Variants in DNAJB5 observed in about 807,000 individuals in gnomAD.
DNAJB5 encodes dnaJ homolog subfamily B member 5.
DNAJB5 carries 12 observed loss-of-function variants against 32.6 expected under a neutral mutation model. The ratio of observed to expected loss-of-function variants is 0.37; its 90% CI spans 0.24 to 0.60. The LOEUF is 0.60. Among genes scored for constraint, DNAJB5 ranks in the 20% least tolerant of loss-of-function variants. The pLI is 0.71. For synonymous variants in DNAJB5, 188 were observed against 212.9 expected, an observed-to-expected ratio of 0.88 and a Z score of 1.02; for missense variants, 358 against 554.2, an observed-to-expected ratio of 0.65 and a Z score of 3.55.
At position 34,990,498 on chromosome 9, in the gene DNAJB5, G is replaced by T; in HGVS notation, c.-132-1G>T. 6.5e-7 allele frequency: 1 copy of T among 1,538,436 alleles called. No individual in the cohort carries two copies. Among genetic ancestry groups the T allele is most frequent in the Non-Finnish European group, 8.7e-7 (1 of 1,146,568 alleles). On this transcript the variant is annotated splice_acceptor_variant, in intron 1 of 4. Transcript: ENST00000682809. LOFTEE classifies it low-confidence loss of function (5UTR_SPLICE). This position sits in a 1 kb window ranked among gnomAD's most constrained non-coding sequence, Gnocchi z 4.5. ...CTTCACTCTCCACATTTGGGGATCA[G>T]GTCCGGCACCTGCTGCGCCAGACAG...
Position 34,990,588 on chromosome 9 carries a change from C to G in DNAJB5, c.-43C>G, listed in dbSNP as rs941650913. ...GCTTCCAGAGCTGCAGCACTTCAGG[C>G]CGGCTCCGGTGGAGCGATCAGAGGT... On this transcript the variant is annotated 5_prime_UTR_variant, in exon 2 of 5. Transcript: ENST00000682809. The surrounding 1 kb of genome is among the most constrained non-coding windows in gnomAD (Gnocchi z 4.5). 1.9e-6 allele frequency: 3 copies of G among 1,551,302 alleles called. No homozygotes were observed. Among genetic ancestry groups the G allele is most frequent in the Non-Finnish European group, 2.6e-6 (3 of 1,146,946 alleles).
chr9:34,996,058 G>A lies in DNAJB5; in HGVS notation c.428-207G>A, dbSNP rs1426194159. 1.3e-5 allele frequency among the ~76,000 whole-genome samples: 2 copies of A among 152,198 alleles called. No homozygotes were observed. The highest frequency in any genetic ancestry group is 4.8e-5 in the African/African-American group (2 of 41,448). On this transcript the variant is annotated intron_variant, in intron 3 of 4. Transcript: ENST00000682809. The surrounding 1 kb of genome is among the most constrained non-coding windows in gnomAD (Gnocchi z 7.2). The stretch of plus-strand genomic sequence containing the variant: ...GTAAGCAAGCCTCTTTGAATCTCAA[G>A]TTGTGCATCGTTATTAAATATATAA...
Position 34,993,449 on chromosome 9 carries a change from G to C in DNAJB5, c.427+5G>C. On this transcript the variant is annotated splice_donor_5th_base_variant and intron_variant, in intron 3 of 4. Coordinates refer to ENST00000682809, the MANE Select transcript of DNAJB5 (RefSeq NM_001349723.3). This position sits in a 1 kb window ranked among gnomAD's most constrained non-coding sequence, Gnocchi z 4.7. Reference sequence around the variant, plus strand: ...ATGACCAGTATGGGGAGGAAGGTAAGAGGGCAGCACTCCAGCCCAATCCCG... The same window carrying C: ...ATGACCAGTATGGGGAGGAAGGTAACAGGGCAGCACTCCAGCCCAATCCCG... The C allele has an allele frequency of 6.2e-7, 1 of 1,609,984 alleles. No homozygotes were observed. Among genetic ancestry groups the C allele is most frequent in the Non-Finnish European group, 8.5e-7 (1 of 1,178,940 alleles).
In DNAJB5 at chr9:34,993,437, G is replaced by A. The variant is rs1490675972; in HGVS notation, c.420G>A (p.Gly140=). The A allele has an allele frequency of 5.6e-6, 9 of 1,611,402 alleles. No homozygotes were observed. The highest frequency in any genetic ancestry group is 3.3e-5 in the South Asian group (3 of 90,782). The stretch of plus-strand genomic sequence containing the variant: ...AACGGGGCCTGTATGACCAGTATGG[G>A]GAGGAAGGTAAGAGGGCAGCACTCC... ...PKKRGLYDQY[G]EEGLKTGGGT... Residue 140 remains glycine (G), a synonymous_variant, in exon 3 of 5, where the codon GGG becomes GGA. Coordinates refer to ENST00000682809, the MANE Select transcript of DNAJB5 (RefSeq NM_001349723.3). The surrounding 1 kb of genome is among the most constrained non-coding windows in gnomAD (Gnocchi z 4.7).
At position 34,996,484 on chromosome 9, in the gene DNAJB5, T is replaced by G; in HGVS notation, c.647T>G (p.Phe216Cys). The change falls in exon 4 of 5, where the codon TTT (phenylalanine) becomes TGT (cysteine). Residue 216 changes from phenylalanine (F) to cysteine (C), a missense_variant. Physicochemically the swap from Phe to Cys is radical, Grantham distance 205. Around this residue, in one of 2 missense-constraint regions of DNAJB5, gnomAD observed 248 missense variants for 442.6 expected, o/e 0.56. Transcript: ENST00000682809. The surrounding 1 kb of genome is among the most constrained non-coding windows in gnomAD (Gnocchi z 7.2). ...DEDPFGAFGR[F>C]GFNGLSRGPR... ...GACCCATTTGGCGCTTTCGGCCGTT[T>G]TGGCTTCAATGGGCTGAGTAGGGGT... is the stretch of plus-strand genomic sequence containing the variant. 6.2e-7 allele frequency: 1 copy of G among 1,614,172 alleles called. No individual in the cohort carries two copies. Among genetic ancestry groups the G allele is most frequent in the East Asian group, 2.2e-5 (1 of 44,872 alleles).
chr9:34,991,071 T>G, intron 2 of DNAJB5: 1 of 533,620 alleles, frequency 1.9e-6, no homozygotes. Context: ...TTTCAACCCA[T>G]CATTAACCCA....
At chr9:34,992,730 G>A (rs560141015) in intron 2 of DNAJB5, 22 of 962,588 alleles carry the variant, frequency 2.3e-5, no homozygotes, top group East Asian at 2.1e-4. Flanking sequence ...GCCTGTTCCC[G>A]GTCCTGGGCC....
chr9:34,993,210 A>G lies in DNAJB5; in HGVS notation c.193A>G (p.Thr65Ala). Reference sequence around the variant, plus strand: ...CTGGGTTTCTTTCAGAAACAAGGAGACCAGTGCTGGTCCAGTGGCTGTGAT... The same window carrying G: ...CTGGGTTTCTTTCAGAAACAAGGAGGCCAGTGCTGGTCCAGTGGCTGTGAT... ...NGFVKFRNKE[T>A]SAGPVAVMGK... The change falls in exon 3 of 5, where the codon ACC becomes GCC. Residue 65 changes from threonine (T) to alanine (A), a missense_variant. Transcript: ENST00000682809. This position sits in a 1 kb window ranked among gnomAD's most constrained non-coding sequence, Gnocchi z 4.7. The G allele has an allele frequency of 6.2e-7, 1 of 1,613,010 alleles. No individual in the cohort carries two copies. The highest frequency in any genetic ancestry group is 2.2e-5 in the East Asian group (1 of 44,876).
In DNAJB5 at chr9:34,997,334, T is replaced by C; in HGVS notation, c.*75T>C. On this transcript the variant is annotated 3_prime_UTR_variant, in exon 5 of 5. Transcript: ENST00000682809. The surrounding 1 kb of genome is among the most constrained non-coding windows in gnomAD (Gnocchi z 4.1). ...CACTCCACTCAATGTGCACCCAGCT[T>C]GATGTCCACTGGACACTGGCAACTT... 2.8e-6 allele frequency: 4 copies of C among 1,454,026 alleles called. No individual in the cohort carries two copies. The highest frequency in any genetic ancestry group is 3.9e-6 in the Non-Finnish European group (4 of 1,035,060). 90.1% of individuals were successfully genotyped at this position (1,454,026 alleles called of 1,614,324 possible). A position where few individuals can be genotyped will look rare whatever the true frequency, so the allele number is the denominator to read the frequency against.
At chr9:34,992,644 C>A in intron 2 of DNAJB5, 1 of 300,178 alleles carries the variant, frequency 3.3e-6, no homozygotes, top group Non-Finnish European at 5.0e-6. Flanking sequence ...CCTGGGGTCT[C>A]CGATGGCAGA....
In DNAJB5 at chr9:34,993,529, G is replaced by C; in HGVS notation, c.427+85G>C. On this transcript the variant is annotated intron_variant, in intron 3 of 4. Transcript: ENST00000682809. The surrounding 1 kb of genome is among the most constrained non-coding windows in gnomAD (Gnocchi z 4.7). Reference sequence around the variant, plus strand: ...GCACCAGTTTGTGTAGCGGGGAACTGGAGGCTGTGGAGGGGGTGAGGGCAG... The same window carrying C: ...GCACCAGTTTGTGTAGCGGGGAACTCGAGGCTGTGGAGGGGGTGAGGGCAG... 1 of 1,515,794 alleles carries C rather than the reference G, an allele frequency of 6.6e-7. No homozygotes were observed. The highest frequency in any genetic ancestry group is 2.4e-4 in the Middle Eastern group (1 of 4,100). The allele number at this position is 1,515,794 out of a possible 1,614,324, so 93.9% of individuals were successfully genotyped here.
At chr9:34,994,367 G>C (rs554986719) in intron 3 of DNAJB5, among the ~76,000 whole-genome samples, 17 of 152,222 alleles carry the variant, frequency 1.1e-4, no homozygotes, top group Admixed American at 9.8e-4. Context: ...TCCTGGCCTT[G>C]TGTTCCATGC....
chr9:34,997,263 C>T lies in DNAJB5; in HGVS notation c.*4C>T. 1 of 1,613,846 alleles carries T rather than the reference C, an allele frequency of 6.2e-7. No individual in the cohort carries two copies. Among genetic ancestry groups the T allele is most frequent in the Non-Finnish European group, 8.5e-7 (1 of 1,179,720 alleles). On this transcript the variant is annotated 3_prime_UTR_variant, in exon 5 of 5. Coordinates refer to ENST00000682809, the MANE Select transcript of DNAJB5 (RefSeq NM_001349723.3). The surrounding 1 kb of genome is among the most constrained non-coding windows in gnomAD (Gnocchi z 4.1). ...GCAGCACCTACCCTGTTCCTAGGCT[C>T]TGCCCCAGCCAGTCCAGAGCCTACC...
In DNAJB5 at chr9:34,993,014, A is replaced by C; in HGVS notation, c.183-186A>C. The C allele has an allele frequency of 7.0e-7, 1 of 1,421,506 alleles. No homozygotes were observed. The highest frequency in any genetic ancestry group is 1.6e-5 in the South Asian group (1 of 63,880). The allele number at this position is 1,421,506 out of a possible 1,614,324, so 88.1% of individuals were successfully genotyped here. On this transcript the variant is annotated intron_variant, in intron 2 of 4. Transcript: ENST00000682809. The surrounding 1 kb of genome is among the most constrained non-coding windows in gnomAD (Gnocchi z 4.7). Reference sequence around the variant, plus strand: ...GAGGACGGAATCACAGAATTCTAGAATGTCAGAGCCAGAAGAGATCATCTA... The same window carrying C: ...GAGGACGGAATCACAGAATTCTAGACTGTCAGAGCCAGAAGAGATCATCTA...
intron 2 of DNAJB5, chr9:34,992,675 C>A: frequency 1.8e-6 from 1 of 563,822 alleles, no homozygotes; most frequent in Non-Finnish European, 2.3e-6. Context: ...GACACCCATT[C>A]CCTGACTCAG....
In DNAJB5 at chr9:34,989,786, C is replaced by T; in HGVS notation, c.-178C>T. On this transcript the variant is annotated 5_prime_UTR_variant, in exon 1 of 5. Coordinates refer to ENST00000682809, the MANE Select transcript of DNAJB5 (RefSeq NM_001349723.3). ...GCGGAGCCGGAGCCGGGGGAGGGGG[C>T]AGCGGCTGTCTCACGGACCACGGCG... 8.1e-7 allele frequency: 1 copy of T among 1,231,544 alleles called. No homozygotes were observed. The highest frequency in any genetic ancestry group is 1.0e-6 in the Non-Finnish European group (1 of 987,732). The allele number at this position is 1,231,544 out of a possible 1,614,324, so 76.3% of individuals were successfully genotyped here. A position where few individuals can be genotyped will look rare whatever the true frequency, so the allele number is the denominator to read the frequency against.
rs372378983 is a variant in DNAJB5 at position 34,990,760 on chromosome 9, C to T, written c.130C>T (p.Leu44=). 4.0e-5 allele frequency: 62 copies of T among 1,551,582 alleles called. No individual in the cohort carries two copies. The highest frequency in any genetic ancestry group is 5.4e-5 in the Non-Finnish European group (62 of 1,146,986). ...AGCCAGCTTGATGTTTAAAATTCAG[C>T]TGGAGCCCTTAAAACTTCGAGCGTG... ...FLASLMFKIQ[L]EPLKLRAWTL... Residue 44 remains leucine (L), a synonymous_variant, in exon 2 of 5, where the codon CTG becomes TTG. Transcript: ENST00000682809. This position sits in a 1 kb window ranked among gnomAD's most constrained non-coding sequence, Gnocchi z 4.5.
rs1464512171 is a variant in DNAJB5 at position 34,996,892 on chromosome 9, T to C, written c.1029+26T>C. On this transcript the variant is annotated intron_variant, in intron 4 of 4. Transcript: ENST00000682809. The surrounding 1 kb of genome is among the most constrained non-coding windows in gnomAD (Gnocchi z 7.2). ...GTGGGGCCTAGTCAGGCTGTGTGTG[T>C]GTGCTGGGGAGATGGTGGGGACATT... 6.3e-7 allele frequency: 1 copy of C among 1,592,556 alleles called. No individual in the cohort carries two copies. The highest frequency in any genetic ancestry group is 8.6e-7 in the Non-Finnish European group (1 of 1,169,470).
chr9:34,990,300 G>T lies in DNAJB5; in HGVS notation c.-132-199G>T. 7.0e-7 allele frequency: 1 copy of T among 1,422,642 alleles called. No individual in the cohort carries two copies. Among genetic ancestry groups the T allele is most frequent in the Non-Finnish European group, 9.3e-7 (1 of 1,076,190 alleles). 88.1% of individuals were successfully genotyped at this position (1,422,642 alleles called of 1,614,324 possible). ...GGTCGGGTCCTCCCCAGTGAGAGGCGACAGGAGCTCACTGCCTCTCGGGCC... is the reference window on the plus strand; with the variant it reads ...GGTCGGGTCCTCCCCAGTGAGAGGCTACAGGAGCTCACTGCCTCTCGGGCC... On this transcript the variant is annotated intron_variant, in intron 1 of 4. Transcript: ENST00000682809. This position sits in a 1 kb window ranked among gnomAD's most constrained non-coding sequence, Gnocchi z 4.5.
Sources: allele counts gnomAD v4.1 joint callset (sites outside exome capture counted in the v4.1 genomes callset), GRCh38; gene constraint gnomAD v4.1.1; regional missense constraint gnomAD v4.1.1; non-coding constraint Gnocchi (gnomAD v3.1); transcripts MANE v1.5; gene names NCBI Gene and HGNC (gene_info 2026-07-23, HGNC 2026-07-21).